APPL2: variants seen among roughly 807,000 people sequenced by gnomAD.
APPL2 encodes the protein DCC-interacting protein 13-beta.
A neutral mutation model predicts 92.7 loss-of-function variants in APPL2; 84 were observed. The observed-to-expected ratio is 0.91, with a 90% CI of 0.76 to 1.09. The LOEUF (loss-of-function observed/expected upper bound fraction) is 1.09, where lower values mean the gene tolerates loss of function less well. Ranked by LOEUF, APPL2 falls within the 50% of genes least tolerant of loss-of-function variation. The pLI is 0.00. For missense variants in APPL2, 736 were observed against 824.5 expected, an observed-to-expected ratio of 0.89 and a Z score of 1.31; for synonymous variants, 291 against 291.0, an observed-to-expected ratio of 1.00 and a Z score of 0.00.
chr12:105,230,191 T>G (rs1002629448), intron 1 of APPL2, among the ~76,000 whole-genome samples: 1 of 152,146 alleles, frequency 6.6e-6, no homozygotes, highest in Non-Finnish European at 1.5e-5. Flanking sequence ...AAATAGCAAC[T>G]TAATAAGAAT....
In APPL2 at chr12:105,197,081, C is replaced by T. The variant is rs570411611; in HGVS notation, c.1052+684G>A. Among the ~76,000 whole-genome samples, 3 of 152,188 alleles carry T rather than the reference C, an allele frequency of 2.0e-5. No individual in the cohort carries two copies. In the South Asian group the frequency reaches 6.2e-4, roughly 32 times the overall value. The stretch of plus-strand genomic sequence containing the variant: ...GCTCTGATGACGGGCAGGGCCACTC[C>T]TCTCCCCAGGCAGGTGAACCCTGAA... On this transcript the variant is annotated intron_variant, in intron 11 of 20. Coordinates refer to ENST00000258530, the MANE Select transcript of APPL2 (RefSeq NM_018171.5).
At chr12:105,211,672 T>C (rs1889230913) in intron 4 of APPL2, among the ~76,000 whole-genome samples, 1 of 152,194 alleles carries the variant, frequency 6.6e-6, no homozygotes, top group African/African-American at 2.4e-5. Context: ...CACAGCCAGC[T>C]GTCAGTGCTG....
chr12:105,205,965 T>C (rs988465919), intron 8 of APPL2, among the ~76,000 whole-genome samples: 1 of 152,224 alleles, frequency 6.6e-6, no homozygotes, highest in African/African-American at 2.4e-5. Flanking sequence ...TCTATTTAAG[T>C]ATCACTTCCA....
At position 105,173,997 on chromosome 12, in the gene APPL2, AAG is replaced by A. The variant is rs931613721; in HGVS notation, c.*315_*316del. 1 of 186,338 alleles carries A rather than the reference AAG, an allele frequency of 5.4e-6. No homozygotes were observed. Among genetic ancestry groups the A allele is most frequent in the African/African-American group, 2.3e-5 (1 of 42,746 alleles). 11.5% of individuals were successfully genotyped at this position (186,338 alleles called of 1,614,324 possible). A position where few individuals can be genotyped will look rare whatever the true frequency, so the allele number is the denominator to read the frequency against. On this transcript the variant is annotated 3_prime_UTR_variant, in exon 21 of 21. Transcript: ENST00000258530. ...TTTAAAAAGGATACTGGAAACTGAA[AAG>A]AGATGACATTCATATGAACAATGCA...
In APPL2 at chr12:105,203,860, C is replaced by A. The variant is rs544254941; in HGVS notation, c.622-75G>T. On this transcript the variant is annotated intron_variant, in intron 8 of 20. Coordinates refer to ENST00000258530, the MANE Select transcript of APPL2 (RefSeq NM_018171.5). Reference sequence around the variant, plus strand: ...GTGAACTCACTGAAGGTGAGACAGGCAGCGTGAGGGCAGCCATCACAGCTG... The same window carrying A: ...GTGAACTCACTGAAGGTGAGACAGGAAGCGTGAGGGCAGCCATCACAGCTG... 2.0e-3 allele frequency: 2,676 copies of A among 1,338,040 alleles called. 10 individuals are homozygous for A. Among genetic ancestry groups the A allele is most frequent in the Middle Eastern group, 0.01 (58 of 5,534 alleles). 82.9% of individuals were successfully genotyped at this position (1,338,040 alleles called of 1,614,324 possible).
At chr12:105,211,174 TG>T (rs1889179764) in intron 5 of APPL2, 55 bp downstream of exon 5, 1 of 1,184,786 alleles carries the variant, frequency 8.4e-7, no homozygotes, top group African/African-American at 1.5e-5. Flanking sequence ...AGAATTATTA[TG>T]AAATGCATTA....
intron 5 of APPL2, among the ~76,000 whole-genome samples, chr12:105,210,318 C>T (rs1032349428): frequency 4.6e-5 from 7 of 152,054 alleles, no homozygotes; most frequent in African/African-American, 7.2e-5. Context: ...CCCCAACCCC[C>T]GCCGCAAAAA....
In APPL2 at chr12:105,211,234, G is replaced by A; in HGVS notation, c.369C>T (p.Leu123=). 1.9e-6 allele frequency: 3 copies of A among 1,610,928 alleles called. No individual in the cohort carries two copies. Among genetic ancestry groups the A allele is most frequent in the Non-Finnish European group, 2.5e-6 (3 of 1,177,134 alleles). ...LPIIQFREKD[L]TEVSTLKDLF... ...CATTGAACTCAGTTACTTTACCTGT[G>A]AGATCCTTTTCTCGGAATTGTATGA... Residue 123 remains leucine (L), a synonymous_variant, in exon 5 of 21, where the codon CTC becomes CTT. Coordinates refer to ENST00000258530, the MANE Select transcript of APPL2 (RefSeq NM_018171.5).
intron 1 of APPL2, chr12:105,233,242 T>C: frequency 1.0e-6 from 1 of 985,470 alleles, no homozygotes. Flanking sequence ...GGGTAGTCAC[T>C]CTTATTTATC....
intron 17 of APPL2, among the ~76,000 whole-genome samples, chr12:105,180,604 C>G (rs1005996683): frequency 3.9e-5 from 6 of 152,120 alleles, no homozygotes; most frequent in African/African-American, 1.4e-4. Flanking sequence ...ATGAGCATGG[C>G]ATGTTTTTCC....
chr12:105,198,481 T>G (rs1432174687), intron 10 of APPL2, among the ~76,000 whole-genome samples: 2 of 152,186 alleles, frequency 1.3e-5, no homozygotes, highest in Non-Finnish European at 2.9e-5. Flanking sequence ...GTTTTCTACA[T>G]CTGCAGAACT....
At chr12:105,184,848 C>T (rs940291432) in intron 17 of APPL2, among the ~76,000 whole-genome samples, 5 of 152,164 alleles carry the variant, frequency 3.3e-5, no homozygotes, top group South Asian at 2.1e-4. Flanking sequence ...GCTGAAACTG[C>T]GCCCACAGCC....
chr12:105,219,890 T>C (rs1047969565), intron 2 of APPL2, among the ~76,000 whole-genome samples: 12 of 152,242 alleles, frequency 7.9e-5, no homozygotes, highest in Admixed American at 7.9e-4. Flanking sequence ...GGCAGCACCA[T>C]GTGGAACATG....
chr12:105,190,949 A>G (rs562568777), intron 14 of APPL2, among the ~76,000 whole-genome samples: 1 of 152,334 alleles, frequency 6.6e-6, no homozygotes, highest in African/African-American at 2.4e-5. Flanking sequence ...TTTTCTCCTC[A>G]GCCAGACTAT....
intron 17 of APPL2, among the ~76,000 whole-genome samples, chr12:105,179,464 A>G (rs1022360364): frequency 2.0e-5 from 3 of 152,200 alleles, no homozygotes; most frequent in Admixed American, 6.5e-5. Context: ...ATGTGTTTTT[A>G]TAGAAAATGA....
chr12:105,207,054 C>T lies in APPL2; in HGVS notation c.621+7G>A. On this transcript the variant is annotated splice_region_variant and intron_variant, in intron 8 of 20. Coordinates refer to ENST00000258530, the MANE Select transcript of APPL2 (RefSeq NM_018171.5). ...AGGTTTCAGCCCTCAGGGAGGGACT[C>T]CCCTACCTGTCCATGGGCAAAGCCT... is the stretch of plus-strand genomic sequence containing the variant. 1.2e-6 allele frequency: 2 copies of T among 1,613,002 alleles called. No homozygotes were observed. The highest frequency in any genetic ancestry group is 1.7e-6 in the Non-Finnish European group (2 of 1,179,638).
At chr12:105,181,560 G>A (rs1182741033) in intron 17 of APPL2, among the ~76,000 whole-genome samples, 2 of 152,136 alleles carry the variant, frequency 1.3e-5, no homozygotes, top group Non-Finnish European at 2.9e-5. Flanking sequence ...TGTAACTCTG[G>A]TAGAATGTGG....
At chr12:105,189,532 T>C (rs961866455) in intron 16 of APPL2, among the ~76,000 whole-genome samples, 5 of 152,230 alleles carry the variant, frequency 3.3e-5, no homozygotes, top group African/African-American at 1.2e-4. Flanking sequence ...AACATTTCTA[T>C]GCTATGCTAC....
At chr12:105,216,795 GA>G (rs1397750294) in intron 4 of APPL2, among the ~76,000 whole-genome samples, 2 of 152,202 alleles carry the variant, frequency 1.3e-5, no homozygotes, top group African/African-American at 4.8e-5. Flanking sequence ...GGCAATCTGA[GA>G]AACTAATATA....
Sources: allele counts gnomAD v4.1 joint callset (sites outside exome capture counted in the v4.1 genomes callset), GRCh38; gene constraint gnomAD v4.1.1; transcripts MANE v1.5; gene names NCBI Gene and HGNC (gene_info 2026-07-23, HGNC 2026-07-21).